RCOR1: variants seen among roughly 807,000 people sequenced by gnomAD.
RCOR1 encodes the protein REST corepressor 1.
A neutral mutation model predicts 64.0 loss-of-function variants in RCOR1; 12 were observed. That is an observed-to-expected ratio of 0.19 (90% CI 0.12 to 0.30). RCOR1 has a LOEUF of 0.30. Ranked by LOEUF, RCOR1 falls within the 10% of genes least tolerant of loss-of-function variation. The probability of loss-of-function intolerance (pLI) is 1.00; values close to 1 mark genes in which losing one functional copy is unlikely to be tolerated. For missense variants in RCOR1, 502 were observed against 621.2 expected (o/e 0.81, Z 2.04); for synonymous variants, 279 against 227.2 (o/e 1.23, Z -2.05).
At chr14:102,721,267 G>A in intron 9 of RCOR1, 53 bp from the exon 10 acceptor site, 2 of 1,476,154 alleles carry the variant, frequency 1.4e-6, no homozygotes, top group Non-Finnish European at 1.9e-6. Flanking sequence ...AGCTCATAAG[G>A]ACATACTCAT....
chr14:102,613,135 T>C (rs368774131), intron 2 of RCOR1, among the ~76,000 whole-genome samples: 75 of 152,262 alleles, frequency 4.9e-4, no homozygotes, highest in African/African-American at 1.5e-3. Context: ...GGAGTCTTGC[T>C]CTGTCGCCCA....
At chr14:102,649,158 C>G (rs1301207886) in intron 2 of RCOR1, among the ~76,000 whole-genome samples, 2 of 151,956 alleles carry the variant, frequency 1.3e-5, no homozygotes, top group African/African-American at 4.8e-5. Context: ...GAGACCCTGT[C>G]TCTTAACAAA....
At chr14:102,600,444 C>T (rs1484601164) in intron 2 of RCOR1, among the ~76,000 whole-genome samples, 4 of 151,984 alleles carry the variant, frequency 2.6e-5, no homozygotes, top group African/African-American at 9.7e-5. Flanking sequence ...TCTTGTCACC[C>T]AGGCTGGAGA....
At chr14:102,725,143 A>AT (rs1490911716) in intron 11 of RCOR1, among the ~76,000 whole-genome samples, 1 of 152,214 alleles carries the variant, frequency 6.6e-6, no homozygotes, top group Non-Finnish European at 1.5e-5. Flanking sequence ...GATGCCATGG[A>AT]TTGGACAGAA....
intron 11 of RCOR1, among the ~76,000 whole-genome samples, chr14:102,723,332 T>C (rs1268096823): frequency 3.3e-5 from 5 of 152,192 alleles, no homozygotes; most frequent in Admixed American, 1.3e-4. Flanking sequence ...CCTCCTGACC[T>C]GAGCATGGAA....
chr14:102,710,756 T>C (rs1326888554), intron 6 of RCOR1, 179 bp from the exon 7 acceptor site: 1 of 582,566 alleles, frequency 1.7e-6, no homozygotes, highest in African/African-American at 1.9e-5. Flanking sequence ...TGGTATTCTG[T>C]TTGAATTACA....
In RCOR1 at chr14:102,721,025, A is replaced by G. The variant is rs946780948; in HGVS notation, c.1072A>G (p.Thr358Ala). Residue 358 changes from threonine to alanine, a missense_variant, in exon 9 of 12, where the codon ACA becomes GCA. Physicochemically the swap from Thr to Ala is moderately conservative, Grantham distance 58. Transcript: ENST00000262241. ...VKRQIQNIKQTNSALKEKLDG... is the reference protein window; with the variant it reads ...VKRQIQNIKQANSALKEKLDG... The stretch of plus-strand genomic sequence containing the variant: ...TTCCTAGATCCAGAATATTAAACAG[A>G]CAAACAGTGCTCTCAAAGAAAAACT... The G allele has an allele frequency of 4.5e-6, 7 of 1,559,412 alleles. No homozygotes were observed. In the African/African-American group the frequency reaches 5.5e-5, roughly 12 times the overall value.
intron 2 of RCOR1, among the ~76,000 whole-genome samples, chr14:102,605,355 GT>G (rs1406185300): frequency 6.6e-6 from 1 of 151,978 alleles, no homozygotes; most frequent in African/African-American, 2.4e-5. Flanking sequence ...TATAGTTGGA[GT>G]TTTTTTTAGA....
intron 2 of RCOR1, among the ~76,000 whole-genome samples, chr14:102,651,329 C>T (rs542164719): frequency 1.8e-4 from 28 of 152,046 alleles, no homozygotes; most frequent in East Asian, 1.4e-3. Context: ...CCGAGGAAGG[C>T]GGATCATGAG....
chr14:102,640,290 G>T (rs966068136), intron 2 of RCOR1, among the ~76,000 whole-genome samples: 1 of 152,118 alleles, frequency 6.6e-6, no homozygotes, highest in African/African-American at 2.4e-5. Context: ...TTAATTAATT[G>T]AATGTCTGAA....
chr14:102,643,407 A>G (rs1385975124), intron 2 of RCOR1: 1 of 610,006 alleles, frequency 1.6e-6, no homozygotes, highest in African/African-American at 2.0e-5. Flanking sequence ...TATAAACAGT[A>G]TAGCAGTATA....
chr14:102,645,355 C>CT (rs1291052919), intron 2 of RCOR1, among the ~76,000 whole-genome samples: 2 of 152,094 alleles, frequency 1.3e-5, no homozygotes, highest in Non-Finnish European at 2.9e-5. Context: ...AGAATTGTTT[C>CT]TTTTTTTAAA....
At chr14:102,659,288 T>G in intron 2 of RCOR1, 1 of 983,928 alleles carries the variant, frequency 1.0e-6, no homozygotes. Context: ...TCAAAACAAA[T>G]GTCTCATCTG....
intron 2 of RCOR1, among the ~76,000 whole-genome samples, chr14:102,634,453 C>G (rs993784098): frequency 3.3e-5 from 5 of 152,066 alleles, no homozygotes; most frequent in Middle Eastern, 3.2e-3. Flanking sequence ...ATTATGTGAT[C>G]TCTTCTTGAC....
At chr14:102,684,255 C>T (rs558151515) in intron 3 of RCOR1, among the ~76,000 whole-genome samples, 17 of 152,106 alleles carry the variant, frequency 1.1e-4, no homozygotes, top group Non-Finnish European at 2.4e-4. Context: ...AAGGGCTCAT[C>T]GGTAGTGTTC....
intron 2 of RCOR1, among the ~76,000 whole-genome samples, chr14:102,634,834 T>C (rs1003273363): frequency 6.6e-6 from 1 of 151,522 alleles, no homozygotes; most frequent in African/African-American, 2.4e-5. Flanking sequence ...GTAGCTGGAA[T>C]TACAGGCACG....
intron 2 of RCOR1, among the ~76,000 whole-genome samples, chr14:102,663,504 G>T (rs1422729484): frequency 2.0e-5 from 3 of 152,188 alleles, no homozygotes; most frequent in African/African-American, 7.2e-5. Context: ...ACAGTAGTTA[G>T]AAGTTTTCTC....
chr14:102,715,542 T>G (rs1334535582), intron 8 of RCOR1, among the ~76,000 whole-genome samples: 3 of 151,436 alleles, frequency 2.0e-5, no homozygotes, highest in African/African-American at 7.3e-5. Flanking sequence ...TCATCACACC[T>G]GGCTAATTTT....
rs972472534 is a variant in RCOR1, at chr14:102,730,424, A to G, written c.*3918A>G. On this transcript the variant is annotated 3_prime_UTR_variant, in exon 12 of 12. Transcript: ENST00000262241. Reference sequence around the variant, plus strand: ...TTGTGGTGAATGTTCATAGCATTATAACTGCTTAGCCATTGAATGATAACA... The same window carrying G: ...TTGTGGTGAATGTTCATAGCATTATGACTGCTTAGCCATTGAATGATAACA... The G allele has an allele frequency of 6.3e-6, 1 of 159,844 alleles. No individual in the cohort carries two copies. The highest frequency in any genetic ancestry group is 2.4e-5 in the African/African-American group (1 of 41,756). 9.9% of individuals were successfully genotyped at this position (159,844 alleles called of 1,614,324 possible). A position where few individuals can be genotyped will look rare whatever the true frequency, so the allele number is the denominator to read the frequency against.
Sources: allele counts gnomAD v4.1 joint callset (sites outside exome capture counted in the v4.1 genomes callset), GRCh38; gene constraint gnomAD v4.1.1; transcripts MANE v1.5; gene names NCBI Gene and HGNC (gene_info 2026-07-23, HGNC 2026-07-21).